HIVEP2: variants seen among roughly 807,000 people sequenced by gnomAD.
HIVEP2 encodes transcription factor HIVEP2.
Under a neutral mutation model 180.7 loss-of-function variants are expected in HIVEP2, and 14 were observed. That is an observed-to-expected ratio of 0.08 (90% CI 0.05 to 0.12). The LOEUF (loss-of-function observed/expected upper bound fraction) is 0.12, where lower values mean the gene tolerates loss of function less well. Among genes scored for constraint, HIVEP2 ranks in the 10% least tolerant of loss-of-function variants. HIVEP2 has a pLI of 1.00. For missense variants in HIVEP2, 2,579 were observed against 3,008.5 expected (o/e 0.86, Z 3.34); for synonymous variants, 1,184 against 1,136.4 (o/e 1.04, Z -0.84).
chr6:142,903,576 G>A (rs1052289864), intron 1 of HIVEP2, among the ~76,000 whole-genome samples: 6 of 151,758 alleles, frequency 4.0e-5, no homozygotes, highest in Non-Finnish European at 7.4e-5. Context: ...ATTCCTGCTC[G>A]ACCCCATAAA....
intron 2 of HIVEP2, among the ~76,000 whole-genome samples, chr6:142,815,111 C>A (rs981932457): frequency 5.3e-5 from 8 of 152,172 alleles, no homozygotes; most frequent in Non-Finnish European, 8.8e-5. Flanking sequence ...AGATAACAAA[C>A]CCACTTTCTC....
chr6:142,882,777 G>A (rs1776604595), intron 1 of HIVEP2, among the ~76,000 whole-genome samples: 1 of 152,022 alleles, frequency 6.6e-6, no homozygotes. Context: ...ACATAACGCT[G>A]GCGTAATGTA....
chr6:142,856,044 G>T (rs916973928), intron 1 of HIVEP2, among the ~76,000 whole-genome samples: 1 of 152,066 alleles, frequency 6.6e-6, no homozygotes, highest in Admixed American at 6.5e-5. Flanking sequence ...GTTTTTTGGT[G>T]TGTTTGTTTT....
At position 142,772,509 on chromosome 6, in the gene HIVEP2, T is replaced by C. The variant is rs772997075; in HGVS notation, c.2230A>G (p.Met744Val). The change falls in exon 5 of 10, where the codon ATG becomes GTG. Residue 744 changes from methionine (M) to valine (V), a missense_variant. Coordinates refer to ENST00000367603, the MANE Select transcript of HIVEP2 (RefSeq NM_006734.4). The surrounding 1 kb of genome is among the most constrained non-coding windows in gnomAD (Gnocchi z 4.9). ...MQEGVRSGFAMAGHENLSHGH... is the reference protein window; with the variant it reads ...MQEGVRSGFAVAGHENLSHGH... ...TGAGAAAGGTTTTCGTGTCCAGCCA[T>C]GGCAAATCCACTCCTGACTCCTTCC... 33 of 1,614,142 alleles carry C rather than the reference T, an allele frequency of 2.0e-5. No homozygotes were observed. The highest frequency in any genetic ancestry group is 2.7e-5 in the African/African-American group (2 of 75,066).
At chr6:142,825,537 A>G (rs1024204127) in intron 2 of HIVEP2, among the ~76,000 whole-genome samples, 1 of 152,220 alleles carries the variant, frequency 6.6e-6, no homozygotes, top group African/African-American at 2.4e-5. Flanking sequence ...ATCTCTTATT[A>G]AGGTTTTGAT....
At chr6:142,890,660 T>C (rs553271286) in intron 1 of HIVEP2, among the ~76,000 whole-genome samples, 72 of 152,314 alleles carry the variant, frequency 4.7e-4, no homozygotes, top group African/African-American at 1.6e-3. Context: ...CAAATAATGA[T>C]AATACTAACT....
At chr6:142,904,134 A>G (rs905355080) in intron 1 of HIVEP2, among the ~76,000 whole-genome samples, 16 of 152,156 alleles carry the variant, frequency 1.1e-4, no homozygotes, top group African/African-American at 3.9e-4. Flanking sequence ...TAAAAACCCA[A>G]TTCAGCCTGT....
chr6:142,843,801 T>C (rs1159563229), intron 1 of HIVEP2, among the ~76,000 whole-genome samples: 3 of 152,216 alleles, frequency 2.0e-5, no homozygotes, highest in African/African-American at 4.8e-5. Context: ...AATAGTGTTA[T>C]GAATGACATT....
intron 1 of HIVEP2, among the ~76,000 whole-genome samples, chr6:142,900,504 G>A (rs572976023): frequency 6.6e-6 from 1 of 152,250 alleles, no homozygotes; most frequent in African/African-American, 2.4e-5. Flanking sequence ...TCTTGCCAGC[G>A]CCTACTCTAC....
intron 1 of HIVEP2, among the ~76,000 whole-genome samples, chr6:142,936,192 T>C (rs1161358793): frequency 6.6e-6 from 1 of 151,804 alleles, no homozygotes; most frequent in African/African-American, 2.4e-5. Context: ...TAATTCTCTC[T>C]CTCTCTCTCT....
chr6:142,913,047 C>T (rs1001026987), intron 1 of HIVEP2, among the ~76,000 whole-genome samples: 49 of 152,126 alleles, frequency 3.2e-4, no homozygotes, highest in South Asian at 2.1e-4. Context: ...AATTTACAGA[C>T]GAGGAGACTA....
rs957696970 is a variant in HIVEP2 at position 142,770,041 on chromosome 6, T to C, written c.4698A>G (p.Ser1566=). 2 of 1,614,234 alleles carry C rather than the reference T, an allele frequency of 1.2e-6. No homozygotes were observed. The highest frequency in any genetic ancestry group is 2.2e-5 in the East Asian group (1 of 44,888). Residue 1566 remains serine (S), a synonymous_variant, in exon 5 of 10, where the codon TCA becomes TCG. Coordinates refer to ENST00000367603, the MANE Select transcript of HIVEP2 (RefSeq NM_006734.4). The surrounding 1 kb of genome is among the most constrained non-coding windows in gnomAD (Gnocchi z 4.7). ...CCGTCTCATCGATATCTAATTCATC[T>C]GAAGATTCTTTGCTTTCAGAAGGCC... ...SSGPSESKES[S]DELDIDETAS...
intron 1 of HIVEP2, among the ~76,000 whole-genome samples, chr6:142,850,301 T>G (rs1018068047): frequency 6.6e-6 from 1 of 152,240 alleles, no homozygotes; most frequent in African/African-American, 2.4e-5. Flanking sequence ...AGTGGAGAGA[T>G]AATTATGACT....
rs776243874 is a variant in HIVEP2, at chr6:142,771,303, G to T, written c.3436C>A (p.Leu1146Met). 2.5e-6 allele frequency: 4 copies of T among 1,613,506 alleles called. No individual in the cohort carries two copies. In the Admixed American group the frequency reaches 6.7e-5, roughly 27 times the overall value. ...GCCAGGTGCAGTGGCCCCGAGCTCA[G>T]CGGGGGACAAGGACCCGCCACCTGC... is the stretch of plus-strand genomic sequence containing the variant. ...GKQVAGPCPP[L>M]SSGPLHLAQP... is the part of the protein sequence containing the mutation. The change falls in exon 5 of 10, where the codon CTG (leucine) becomes ATG (methionine). Residue 1146 changes from leucine (L) to methionine (M), a missense_variant. Physicochemically the swap from Leu to Met is conservative, Grantham distance 15. Transcript: ENST00000367603. The surrounding 1 kb of genome is among the most constrained non-coding windows in gnomAD (Gnocchi z 5.4).
chr6:142,871,960 T>G (rs1050713861), intron 1 of HIVEP2, among the ~76,000 whole-genome samples: 1 of 152,004 alleles, frequency 6.6e-6, no homozygotes, highest in Non-Finnish European at 1.5e-5. Flanking sequence ...ACTTGACAGT[T>G]CCCAGTCATT....
chr6:142,753,278 A>G lies in HIVEP2; in HGVS notation c.7170T>C (p.His2390=). 5 of 1,614,184 alleles carry G rather than the reference A, an allele frequency of 3.1e-6. No individual in the cohort carries two copies. The highest frequency in any genetic ancestry group is 3.4e-6 in the Non-Finnish European group (4 of 1,180,030). The part of the protein sequence containing the change: ...PCTSATHPDL[H]DGEKDNFGTS... ...TACCAAAATTGTCCTTTTCACCATC[A>G]TGCAAGTCAGGGTGGGTGGCTGAGG... is the stretch of plus-strand genomic sequence containing the variant. The change falls in exon 10 of 10, where the codon CAT becomes CAC. Residue 2390 remains histidine, a synonymous_variant. Coordinates refer to ENST00000367603, the MANE Select transcript of HIVEP2 (RefSeq NM_006734.4).
At chr6:142,857,487 C>T (rs1489271205) in intron 1 of HIVEP2, among the ~76,000 whole-genome samples, 1 of 152,184 alleles carries the variant, frequency 6.6e-6, no homozygotes, top group Non-Finnish European at 1.5e-5. Flanking sequence ...GCCTGCCTGT[C>T]TATAGGTTTG....
At chr6:142,753,967 G>T in intron 9 of HIVEP2, 36 bp from the exon 10 acceptor site, 1 of 1,108,870 alleles carries the variant, frequency 9.0e-7, no homozygotes, top group Non-Finnish European at 1.3e-6. Context: ...AAAATTCAGA[G>T]CCTGCTACGC....
At chr6:142,944,366 C>CCA (rs1471436604) in intron 1 of HIVEP2, among the ~76,000 whole-genome samples, 7 of 148,466 alleles carry the variant, frequency 4.7e-5, no homozygotes, top group Admixed American at 1.3e-4. Context: ...AGTCCACCCC[C>CCA]CCCCCCCACC....
Sources: gnomAD v4.1 joint callset for allele counts (sites outside exome capture counted in the v4.1 genomes callset) on GRCh38, gnomAD v4.1.1 for gene constraint, Gnocchi (gnomAD v3.1) non-coding constraint, MANE v1.5 for transcripts, NCBI Gene and HGNC (gene_info 2026-07-23, HGNC 2026-07-21) for gene names.